Variants in CSMD1 observed in about 807,000 individuals in gnomAD.
CSMD1 encodes CUB and Sushi multiple domains 1, also known as CUB and sushi domain-containing protein 1.
A neutral mutation model predicts 417.5 loss-of-function variants in CSMD1; 213 were observed. The ratio of observed to expected loss-of-function variants is 0.51; its 90% CI spans 0.46 to 0.57. The LOEUF is 0.57. Ranked by LOEUF, CSMD1 falls within the 20% of genes least tolerant of loss-of-function variation. CSMD1 has a pLI of 0.00. For synonymous variants in CSMD1, 2,862 were observed against 1,736.8 expected (o/e 1.65, Z -16.11); for missense variants, 6,923 against 4,529.7 (o/e 1.53, Z -15.17).
intron 3 of CSMD1, among the ~76,000 whole-genome samples, chr8:4,199,662 G>T (rs915682127): frequency 2.0e-5 from 3 of 152,132 alleles, no homozygotes; most frequent in Admixed American, 2.0e-4. Flanking sequence ...CTCAGTGTAT[G>T]AGGCTGGACA....
intron 40 of CSMD1, among the ~76,000 whole-genome samples, chr8:3,142,899 A>C (rs942801789): frequency 1.3e-5 from 2 of 152,238 alleles, no homozygotes; most frequent in Admixed American, 1.3e-4. Flanking sequence ...ACTCACGTCC[A>C]GAAGTCAATT....
chr8:3,610,432 G>C (rs529095433), intron 8 of CSMD1, among the ~76,000 whole-genome samples: 28 of 151,428 alleles, frequency 1.8e-4, no homozygotes, highest in African/African-American at 6.5e-4. Flanking sequence ...CTACACAGGA[G>C]ATCGAAGTGG....
At chr8:4,484,566 T>G (rs1243371660) in intron 2 of CSMD1, among the ~76,000 whole-genome samples, 1 of 152,098 alleles carries the variant, frequency 6.6e-6, no homozygotes, top group Non-Finnish European at 1.5e-5. Context: ...AATACACAGA[T>G]TCATCACTCG....
At chr8:3,676,370 C>G (rs1799375559) in intron 7 of CSMD1, among the ~76,000 whole-genome samples, 1 of 152,068 alleles carries the variant, frequency 6.6e-6, no homozygotes, top group African/African-American at 2.4e-5. Flanking sequence ...GGATTGTTGT[C>G]AAAACTAGAT....
intron 4 of CSMD1, among the ~76,000 whole-genome samples, chr8:4,019,693 C>T (rs538984453): frequency 1.6e-3 from 245 of 152,220 alleles, no homozygotes; most frequent in Non-Finnish European, 3.1e-3. Flanking sequence ...GCTGCTCCTG[C>T]TTTGTCAGTT....
chr8:3,676,314 T>C (rs1799372533), intron 7 of CSMD1, among the ~76,000 whole-genome samples: 2 of 152,178 alleles, frequency 1.3e-5, no homozygotes, highest in East Asian at 1.9e-4. Flanking sequence ...CTAAGCTGTA[T>C]TCTTTTCTGA....
At chr8:4,677,340 A>T (rs1439977938) in intron 1 of CSMD1, among the ~76,000 whole-genome samples, 1 of 147,264 alleles carries the variant, frequency 6.8e-6, no homozygotes, top group Non-Finnish European at 1.5e-5. Flanking sequence ...CATTATAAAC[A>T]TGTGCTACCT....
At chr8:4,704,086 T>G (rs1584969103) in intron 1 of CSMD1, among the ~76,000 whole-genome samples, 2 of 152,158 alleles carry the variant, frequency 1.3e-5, no homozygotes, top group Non-Finnish European at 1.5e-5. Context: ...GCAGACTGGT[T>G]CCTAACAGGC....
At chr8:3,319,678 G>T (rs560035404) in intron 23 of CSMD1, among the ~76,000 whole-genome samples, 4 of 148,448 alleles carry the variant, frequency 2.7e-5, no homozygotes, top group African/African-American at 1.0e-4. Context: ...CAGATTATTT[G>T]TTTTTTTTTG....
At chr8:4,892,655 T>C (rs2117007117) in intron 1 of CSMD1, among the ~76,000 whole-genome samples, 1 of 152,232 alleles carries the variant, frequency 6.6e-6, no homozygotes, top group South Asian at 2.1e-4. Context: ...AGTGTTTTCT[T>C]CTTCAGACTT....
intron 3 of CSMD1, among the ~76,000 whole-genome samples, chr8:4,178,014 A>C (rs927219709): frequency 6.6e-6 from 1 of 152,178 alleles, no homozygotes; most frequent in African/African-American, 2.4e-5. Context: ...AGGAGGAACT[A>C]GTACCATTCC....
chr8:3,144,941 T>G (rs1232190267), intron 40 of CSMD1, among the ~76,000 whole-genome samples: 1 of 152,026 alleles, frequency 6.6e-6, no homozygotes, highest in Non-Finnish European at 1.5e-5. Context: ...CCAGATCTGC[T>G]TGTCCACTTC....
chr8:3,647,454 C>T (rs1417489420), intron 7 of CSMD1, among the ~76,000 whole-genome samples: 1 of 151,976 alleles, frequency 6.6e-6, no homozygotes, highest in Non-Finnish European at 1.5e-5. Flanking sequence ...TAGAGAAATA[C>T]AGCATAGAGA....
intron 1 of CSMD1, among the ~76,000 whole-genome samples, chr8:4,877,193 T>A (rs992471250): frequency 1.3e-5 from 2 of 151,938 alleles, no homozygotes; most frequent in Non-Finnish European, 2.9e-5. Context: ...GGCCCCTGAA[T>A]GAGTATGCAA....
chr8:4,003,510 G>C (rs549371445), intron 4 of CSMD1, among the ~76,000 whole-genome samples: 1 of 152,092 alleles, frequency 6.6e-6, no homozygotes, highest in Non-Finnish European at 1.5e-5. Flanking sequence ...TTAAATAAGA[G>C]TGAATTCTAG....
chr8:3,090,029 ATCG>A (rs1814824949), intron 48 of CSMD1, among the ~76,000 whole-genome samples: 1 of 152,180 alleles, frequency 6.6e-6, no homozygotes, highest in Non-Finnish European at 1.5e-5. Context: ...GAGTCTGACT[ATCG>A]GCCGGGCGCG....
chr8:3,248,027 C>G (rs917409315), intron 26 of CSMD1, among the ~76,000 whole-genome samples: 14 of 152,240 alleles, frequency 9.2e-5, no homozygotes, highest in African/African-American at 3.4e-4. Context: ...ACAGACAACA[C>G]TCAAGCATGA....
chr8:3,272,595 C>G (rs1194884477), intron 26 of CSMD1, among the ~76,000 whole-genome samples: 1 of 136,522 alleles, frequency 7.3e-6, no homozygotes, highest in African/African-American at 2.8e-5. Flanking sequence ...TTTGTATCTT[C>G]TTTTATTTCC....
intron 3 of CSMD1, among the ~76,000 whole-genome samples, chr8:4,388,045 T>G (rs753790716): frequency 6.6e-6 from 1 of 152,158 alleles, no homozygotes; most frequent in African/African-American, 2.4e-5. Flanking sequence ...ACATTCCTGA[T>G]GAATGAATGT....
Sources: gnomAD v4.1 joint callset for allele counts (sites outside exome capture counted in the v4.1 genomes callset) on GRCh38, gnomAD v4.1.1 for gene constraint, MANE v1.5 for transcripts, NCBI Gene and HGNC (gene_info 2026-07-23, HGNC 2026-07-21) for gene names.